PTGIS: variants seen among roughly 807,000 people sequenced by gnomAD.
PTGIS encodes the protein prostaglandin I2 synthase.
In PTGIS, 45 loss-of-function variants were observed where a neutral mutation model predicts 50.3. The ratio of observed to expected loss-of-function variants is 0.90; its 90% confidence interval spans 0.70 to 1.15. The LOEUF (loss-of-function observed/expected upper bound fraction) is 1.15. PTGIS is among the 50% of genes most tolerant of loss of function. The pLI is 0.00. For synonymous variants in PTGIS, 260 were observed against 267.7 expected (o/e 0.97, Z 0.28); for missense variants, 668 against 661.3 (o/e 1.01, Z -0.11).
intron 1 of PTGIS, among the ~76,000 whole-genome samples, chr20:49,567,098 G>T (rs945386736): frequency 6.6e-6 from 1 of 152,136 alleles, no homozygotes; most frequent in Non-Finnish European, 1.5e-5. Context: ...AGGGAGAGAG[G>T]ACTAGACTTC....
chr20:49,567,398 A>C (rs182240036), intron 1 of PTGIS, among the ~76,000 whole-genome samples: 18 of 152,290 alleles, frequency 1.2e-4, no homozygotes, highest in African/African-American at 4.3e-4. Flanking sequence ...TAGAGACTTC[A>C]TAGGCCTCAG....
intron 8 of PTGIS, 74 bp downstream of exon 8, chr20:49,513,006 C>T: frequency 3.8e-6 from 6 of 1,561,692 alleles, no homozygotes; most frequent in Non-Finnish European, 5.3e-6. Flanking sequence ...GGCTGCCACT[C>T]AGATCTGGCT....
intron 5 of PTGIS, among the ~76,000 whole-genome samples, chr20:49,535,126 G>A (rs1398603981): frequency 4.6e-5 from 7 of 152,328 alleles, no homozygotes; most frequent in African/African-American, 1.2e-4. Flanking sequence ...GCTGATAACT[G>A]CATGTTGGCA....
intron 1 of PTGIS, among the ~76,000 whole-genome samples, chr20:49,554,003 GT>G (rs1276158320): frequency 1.3e-5 from 2 of 152,108 alleles, no homozygotes; most frequent in Non-Finnish European, 2.9e-5. Context: ...TAGAGATTGG[GT>G]TTTGATATTA....
intron 5 of PTGIS, 42 bp downstream of exon 5, chr20:49,539,528 T>C: frequency 6.2e-7 from 1 of 1,602,054 alleles, no homozygotes; most frequent in Non-Finnish European, 8.5e-7. Context: ...TCTGGGTCTT[T>C]CCATCCTCCC....
chr20:49,562,954 T>C (rs1408860859), intron 1 of PTGIS, among the ~76,000 whole-genome samples: 118 of 152,178 alleles, frequency 7.8e-4, no homozygotes, highest in Admixed American at 7.7e-3. Flanking sequence ...GAATGAATCA[T>C]GTATGCAGTC....
intron 1 of PTGIS, among the ~76,000 whole-genome samples, chr20:49,560,505 A>G (rs1353032084): frequency 6.6e-6 from 1 of 152,202 alleles, no homozygotes; most frequent in Non-Finnish European, 1.5e-5. Flanking sequence ...GCCCAGCCCA[A>G]AAGGGTGAAC....
chr20:49,530,970 AGGATGGTCTC>A (rs1243292044), intron 5 of PTGIS, among the ~76,000 whole-genome samples: 1 of 152,132 alleles, frequency 6.6e-6, no homozygotes, highest in East Asian at 1.9e-4. Flanking sequence ...CATATTGGCC[AGGATGGTCTC>A]GATCTCTTGA....
intron 6 of PTGIS, 88 bp from the exon 7 acceptor site, chr20:49,514,483 G>A: frequency 1.4e-6 from 2 of 1,470,678 alleles, no homozygotes; most frequent in South Asian, 2.4e-5. Flanking sequence ...AAGACAGAGG[G>A]GCCAGTAGGC....
Position 49,507,731 on chromosome 20 carries a change from C to T in PTGIS, c.*189G>A. 1 of 770,546 alleles carries T rather than the reference C, an allele frequency of 1.3e-6. No individual in the cohort carries two copies. Among genetic ancestry groups the T allele is most frequent in the Non-Finnish European group, 2.1e-6 (1 of 475,148 alleles). 47.7% of individuals were successfully genotyped at this position (770,546 alleles called of 1,614,324 possible). A position where few individuals can be genotyped will look rare whatever the true frequency, so the allele number is the denominator to read the frequency against. The stretch of plus-strand genomic sequence containing the variant: ...TGCAGTGGATAATCCATAGAGCTTT[C>T]AATGTCTTTTCTTTGTTCACCCTCT... On this transcript the variant is annotated 3_prime_UTR_variant, in exon 10 of 10. Coordinates refer to ENST00000244043, the MANE Select transcript of PTGIS (RefSeq NM_000961.4).
intron 1 of PTGIS, among the ~76,000 whole-genome samples, chr20:49,561,865 G>C (rs1311876678): frequency 6.6e-6 from 1 of 152,210 alleles, no homozygotes; most frequent in Non-Finnish European, 1.5e-5. Context: ...CATTTACCTA[G>C]TGCCAACTAC....
intron 6 of PTGIS, among the ~76,000 whole-genome samples, chr20:49,516,681 T>C (rs1469380840): frequency 6.6e-6 from 1 of 152,230 alleles, no homozygotes; most frequent in Non-Finnish European, 1.5e-5. Flanking sequence ...TCCTCTTTAG[T>C]GCCCGTGAGG....
Position 49,504,823 on chromosome 20 carries a change from C to T in PTGIS, c.*3097G>A, listed in dbSNP as rs1212265114. ...GTAAGGAAACACTTCATTAGATCAA[C>T]TTAAGAGTATTTTATTCTTGGCTGG... On this transcript the variant is annotated 3_prime_UTR_variant, in exon 10 of 10. Coordinates refer to ENST00000244043, the MANE Select transcript of PTGIS (RefSeq NM_000961.4). 2 of 151,702 alleles carry T rather than the reference C, an allele frequency of 1.3e-5. No individual in the cohort carries two copies. The highest frequency in any genetic ancestry group is 6.6e-5 in the Admixed American group (1 of 15,228). 9.4% of individuals were successfully genotyped at this position (151,702 alleles called of 1,614,324 possible). A position where few individuals can be genotyped will look rare whatever the true frequency, so the allele number is the denominator to read the frequency against.
intron 6 of PTGIS, among the ~76,000 whole-genome samples, chr20:49,521,240 C>CA (rs1354899674): frequency 6.6e-6 from 1 of 152,158 alleles, no homozygotes; most frequent in Admixed American, 6.5e-5. Context: ...CCGAGGTGCT[C>CA]AGAGGTTAAG....
intron 6 of PTGIS, among the ~76,000 whole-genome samples, chr20:49,521,846 G>C (rs1280510035): frequency 6.6e-6 from 1 of 152,118 alleles, no homozygotes; most frequent in Non-Finnish European, 1.5e-5. Context: ...AGCATGGAAG[G>C]CTACCATCTT....
intron 4 of PTGIS, among the ~76,000 whole-genome samples, chr20:49,541,269 G>A (rs1348412632): frequency 1.3e-5 from 2 of 151,872 alleles, no homozygotes; most frequent in Admixed American, 6.6e-5. Context: ...AGACAGACAC[G>A]TGCTTGCCAG....
At chr20:49,519,982 T>C (rs547043901) in intron 6 of PTGIS, among the ~76,000 whole-genome samples, 1 of 147,838 alleles carries the variant, frequency 6.8e-6, no homozygotes, top group Non-Finnish European at 1.5e-5. Flanking sequence ...TACAGTCTCT[T>C]GTCAGCGCTG....
chr20:49,507,558 A>G lies in PTGIS; in HGVS notation c.*362T>C. On this transcript the variant is annotated 3_prime_UTR_variant, in exon 10 of 10. Transcript: ENST00000244043. ...GCCCGGGCCATGCTAGCTCATAAGA[A>G]CTAGGAAGGTGACACCTCCGGGAGT... The G allele has an allele frequency of 2.7e-6, 1 of 376,336 alleles. No homozygotes were observed. Among genetic ancestry groups the G allele is most frequent in the Non-Finnish European group, 5.1e-6 (1 of 195,376 alleles). 23.3% of individuals were successfully genotyped at this position (376,336 alleles called of 1,614,324 possible). A position where few individuals can be genotyped will look rare whatever the true frequency, so the allele number is the denominator to read the frequency against.
chr20:49,560,578 AG>A (rs147472507), intron 1 of PTGIS, among the ~76,000 whole-genome samples: 9,379 of 152,184 alleles, frequency 0.062, 429 homozygotes, highest in East Asian at 0.22. Context: ...TGAGACAGTG[AG>A]GGGGGCTGGT....
Sources: gnomAD v4.1 joint callset for allele counts (sites outside exome capture counted in the v4.1 genomes callset) on GRCh38, gnomAD v4.1.1 for gene constraint, MANE v1.5 for transcripts, NCBI Gene and HGNC (gene_info 2026-07-23, HGNC 2026-07-21) for gene names.